Variants in SPO11 observed in about 807,000 individuals in gnomAD.
SPO11 encodes the protein meiotic recombination protein SPO11.
In SPO11, 49 loss-of-function variants were observed where a neutral mutation model predicts 51.6. That is an observed-to-expected ratio of 0.95 (90% CI 0.75 to 1.20). The LOEUF (loss-of-function observed/expected upper bound fraction) is 1.20. SPO11 is among the 50% of genes most tolerant of loss of function. SPO11 has a pLI of 0.00. For missense variants in SPO11, 431 were observed against 473.4 expected, an observed-to-expected ratio of 0.91 and a Z score of 0.83; for synonymous variants, 176 against 158.2, an observed-to-expected ratio of 1.11 and a Z score of -0.84.
rs1254976365 is a variant in SPO11 at position 57,334,808 on chromosome 20, C to A, written c.569C>A (p.Thr190Asn). Residue 190 changes from threonine to asparagine, a missense_variant, in exon 6 of 13, where the codon ACC becomes AAC. Coordinates refer to ENST00000371263, the MANE Select transcript of SPO11 (RefSeq NM_012444.3). ...GNLRYIEEDGTKVNCTCGATA... is the reference protein window; with the variant it reads ...GNLRYIEEDGNKVNCTCGATA... ...TTAAGATACATCGAGGAAGATGGCACCAAAGTGAATTGTACCTGTGGTGCA... is the reference window on the plus strand; with the variant it reads ...TTAAGATACATCGAGGAAGATGGCAACAAAGTGAATTGTACCTGTGGTGCA... 1 of 1,613,798 alleles carries A rather than the reference C, an allele frequency of 6.2e-7. No homozygotes were observed. Among genetic ancestry groups the A allele is most frequent in the Admixed American group, 1.7e-5 (1 of 60,012 alleles).
At chr20:57,339,794 G>A (rs561020382) in intron 10 of SPO11, among the ~76,000 whole-genome samples, 4 of 152,268 alleles carry the variant, frequency 2.6e-5, no homozygotes, top group African/African-American at 4.8e-5. Context: ...GCTGGAGTGC[G>A]GTGGTGCAGT....
chr20:57,335,493 A>C (rs773040526), intron 7 of SPO11, 38 bp downstream of exon 7: 9 of 1,577,024 alleles, frequency 5.7e-6, no homozygotes, highest in Non-Finnish European at 7.8e-6. Context: ...AACTTTTGGA[A>C]TGTTCATTCA....
intron 10 of SPO11, among the ~76,000 whole-genome samples, chr20:57,339,538 C>T (rs1483955975): frequency 6.6e-6 from 1 of 152,144 alleles, no homozygotes; most frequent in African/African-American, 2.4e-5. Context: ...AGTCCCCATC[C>T]AGAACTACTG....
rs28368099 is a variant in SPO11 at position 57,342,572 on chromosome 20, T to C, written c.960-157T>C. Among the ~76,000 whole-genome samples the C allele has an allele frequency of 1.4e-3, 213 of 152,352 alleles. 1 individual carries two copies. The highest frequency in any genetic ancestry group is 4.9e-3 in the African/African-American group (205 of 41,580). On this transcript the variant is annotated intron_variant, in intron 11 of 12. Coordinates refer to ENST00000371263, the MANE Select transcript of SPO11 (RefSeq NM_012444.3). ...CTTGAAAACTTGCTGGTCTAAGACA[T>C]GACAGATCCCTTCAATCCTGGATGT... is the stretch of plus-strand genomic sequence containing the variant.
At chr20:57,331,544 G>A (rs573050141) in intron 1 of SPO11, among the ~76,000 whole-genome samples, 1 of 152,288 alleles carries the variant, frequency 6.6e-6, no homozygotes, top group East Asian at 1.9e-4. Context: ...TAATGTAAAA[G>A]GGAGACCTTC....
chr20:57,333,123 T>C, intron 2 of SPO11, 65 bp from the exon 3 acceptor site: 1 of 1,159,410 alleles, frequency 8.6e-7, no homozygotes, highest in Non-Finnish European at 1.3e-6. Flanking sequence ...ACCATAAGTA[T>C]ATATTGTTTG....
At chr20:57,338,075 C>T (rs768643023) in intron 8 of SPO11, among the ~76,000 whole-genome samples, 6 of 151,906 alleles carry the variant, frequency 3.9e-5, no homozygotes, top group East Asian at 1.9e-4. Context: ...TTAGTAGAGA[C>T]GGGGTTTCAC....
chr20:57,335,706 G>A (rs889890058), intron 7 of SPO11, 92 bp from the exon 8 acceptor site: 42 of 792,992 alleles, frequency 5.3e-5, no homozygotes, highest in Non-Finnish European at 8.1e-5. Flanking sequence ...TGTATCTATA[G>A]CTGCTTTTGA....
chr20:57,336,918 T>C (rs1156379673), intron 8 of SPO11, among the ~76,000 whole-genome samples: 1 of 152,120 alleles, frequency 6.6e-6, no homozygotes, highest in African/African-American at 2.4e-5. Context: ...ACTTTAATAA[T>C]GGGGTACTGG....
At position 57,343,894 on chromosome 20, in the gene SPO11, C is replaced by T. The variant is rs557441799; in HGVS notation, c.*434C>T. Reference sequence around the variant, plus strand: ...GAATTGTGGTGTCCGGTAGTTTCTTCTTACATTTTCCTTTGCCTTTATACT... The same window carrying T: ...GAATTGTGGTGTCCGGTAGTTTCTTTTTACATTTTCCTTTGCCTTTATACT... On this transcript the variant is annotated 3_prime_UTR_variant, in exon 13 of 13. Transcript: ENST00000371263. 1 of 152,828 alleles carries T rather than the reference C, an allele frequency of 6.5e-6. No homozygotes were observed. Among genetic ancestry groups the T allele is most frequent in the Non-Finnish European group, 1.5e-5 (1 of 68,474 alleles). The allele number at this position is 152,828 out of a possible 1,614,324, so 9.5% of individuals were successfully genotyped here. A position where few individuals can be genotyped will look rare whatever the true frequency, so the allele number is the denominator to read the frequency against.
intron 10 of SPO11, among the ~76,000 whole-genome samples, chr20:57,339,710 A>G (rs2066556976): frequency 1.3e-5 from 2 of 152,194 alleles, no homozygotes; most frequent in African/African-American, 2.4e-5. Context: ...GAAAATTAAT[A>G]CAGAAACACT....
Position 57,340,141 on chromosome 20 carries a change from A to T in SPO11, c.922A>T (p.Ile308Phe). Residue 308 changes from isoleucine (I) to phenylalanine (F), a missense_variant, in exon 11 of 13, where the codon ATT (isoleucine) becomes TTT (phenylalanine). Physicochemically the swap from Ile to Phe is conservative, Grantham distance 21. Around this residue, in one of 3 missense-constraint regions of SPO11, gnomAD observed 405 missense variants for 425.9 expected, o/e 0.95. Transcript: ENST00000371263. ...AGCTCATCATCTCACAGTTCCAGCT[A>T]TTAGATGGCTTGGTCTTCTCCCTTC... ...FEAHHLTVPA[I>F]RWLGLLPSDL... is the part of the protein sequence containing the mutation. The T allele has an allele frequency of 6.2e-7, 1 of 1,612,846 alleles. No individual in the cohort carries two copies. The highest frequency in any genetic ancestry group is 8.5e-7 in the Non-Finnish European group (1 of 1,178,884).
intron 1 of SPO11, among the ~76,000 whole-genome samples, chr20:57,331,042 ACT>A (rs1378606351): frequency 2.0e-5 from 3 of 152,136 alleles, no homozygotes; most frequent in Admixed American, 2.0e-4. Flanking sequence ...GGAAATTAAA[ACT>A]CTCAACATTT....
Position 57,343,561 on chromosome 20 carries a change from C to A in SPO11, c.*101C>A. On this transcript the variant is annotated 3_prime_UTR_variant, in exon 13 of 13. Coordinates refer to ENST00000371263, the MANE Select transcript of SPO11 (RefSeq NM_012444.3). Reference sequence around the variant, plus strand: ...AAGAACATATATTATATTCTTAATTCTGTAAAAGTGAAATAAAATAACTTT... The same window carrying A: ...AAGAACATATATTATATTCTTAATTATGTAAAAGTGAAATAAAATAACTTT... The A allele has an allele frequency of 1.6e-6, 2 of 1,227,140 alleles. No individual in the cohort carries two copies. Among genetic ancestry groups the A allele is most frequent in the South Asian group, 1.8e-5 (1 of 56,446 alleles). 76.0% of individuals were successfully genotyped at this position (1,227,140 alleles called of 1,614,324 possible). A position where few individuals can be genotyped will look rare whatever the true frequency, so the allele number is the denominator to read the frequency against.
At chr20:57,333,841 C>T (rs983826958) in intron 4 of SPO11, 88 bp downstream of exon 4, 3 of 982,540 alleles carry the variant, frequency 3.1e-6, no homozygotes, top group African/African-American at 3.3e-5. Context: ...TGAAAAGTTA[C>T]ATAAGACTAA....
chr20:57,334,207 T>A, intron 5 of SPO11, 112 bp downstream of exon 5: 1 of 352,892 alleles, frequency 2.8e-6, no homozygotes, highest in Non-Finnish European at 5.1e-6. Flanking sequence ...TAGGCTGGAG[T>A]GCAGTGGCGC....
At chr20:57,333,329 T>G (rs1437101075) in intron 3 of SPO11, 53 bp downstream of exon 3, 4 of 1,301,478 alleles carry the variant, frequency 3.1e-6, no homozygotes, top group Middle Eastern at 2.1e-4. Context: ...AATTTTGTTA[T>G]CTTCTCAATT....
rs761235091 is a variant in SPO11, at chr20:57,331,870, G to T, written c.169G>T (p.Asp57Tyr). ...TGCATCTATAGAAAATATTATCCAA[G>T]ACATAATCACAAGCTTGGCAAGAAA... ...VLASIENIIQDIITSLARNEA... is the reference protein window; with the variant it reads ...VLASIENIIQYIITSLARNEA... Residue 57 changes from aspartate to tyrosine, a missense_variant, in exon 2 of 13, where the codon GAC (aspartate) becomes TAC (tyrosine). Around this residue, in one of 3 missense-constraint regions of SPO11, gnomAD observed 405 missense variants for 425.9 expected, o/e 0.95. Coordinates refer to ENST00000371263, the MANE Select transcript of SPO11 (RefSeq NM_012444.3). 1 of 1,606,162 alleles carries T rather than the reference G, an allele frequency of 6.2e-7. No homozygotes were observed. Among genetic ancestry groups the T allele is most frequent in the Non-Finnish European group, 8.5e-7 (1 of 1,176,166 alleles).
In SPO11 at chr20:57,340,093, T is replaced by A. The variant is rs1279392486; in HGVS notation, c.883-9T>A. 2.5e-6 allele frequency: 4 copies of A among 1,596,818 alleles called. No individual in the cohort carries two copies. Among genetic ancestry groups the A allele is most frequent in the Non-Finnish European group, 3.4e-6 (4 of 1,164,564 alleles). On this transcript the variant is annotated splice_polypyrimidine_tract_variant and intron_variant, in intron 10 of 12. Coordinates refer to ENST00000371263, the MANE Select transcript of SPO11 (RefSeq NM_012444.3). ...GCCTCACCTAATATACTTTTGTTCT[T>A]TATTTTAGTCTATGTCTTTTGAAGC...
Sources: gnomAD v4.1 joint callset for allele counts (sites outside exome capture counted in the v4.1 genomes callset) on GRCh38, gnomAD v4.1.1 for gene constraint, gnomAD v4.1.1 regional missense constraint, MANE v1.5 for transcripts, NCBI Gene and HGNC (gene_info 2026-07-23, HGNC 2026-07-21) for gene names.